The following NR6A1 variants were observed in gnomAD, a reference collection of about 807,000 sequenced individuals.
NR6A1 encodes nuclear receptor subfamily 6 group A member 1.
In NR6A1, 7 loss-of-function variants were observed where a neutral mutation model predicts 59.1. That is an observed-to-expected ratio of 0.12 (90% confidence interval 0.07 to 0.22). The LOEUF is 0.22. NR6A1 is among the 10% of genes least tolerant of loss of function. The pLI is 1.00. For synonymous variants in NR6A1, 243 were observed against 236.1 expected, an observed-to-expected ratio of 1.03 and a Z score of -0.27; for missense variants, 468 against 611.6, an observed-to-expected ratio of 0.77 and a Z score of 2.48.
intron 7 of NR6A1, among the ~76,000 whole-genome samples, chr9:124,529,704 C>T (rs986531525): frequency 6.6e-6 from 1 of 152,174 alleles, no homozygotes; most frequent in Non-Finnish European, 1.5e-5. Context: ...CAACTCAGAG[C>T]AGGGCCCAAC....
chr9:124,666,463 G>T (rs12336215), intron 2 of NR6A1, among the ~76,000 whole-genome samples: 1 of 151,932 alleles, frequency 6.6e-6, no homozygotes, highest in Non-Finnish European at 1.5e-5. Context: ...ATTTTTTGTA[G>T]AAACAGGGTT....
chr9:124,681,561 T>C (rs543434091), intron 2 of NR6A1, among the ~76,000 whole-genome samples: 1 of 152,130 alleles, frequency 6.6e-6, no homozygotes, highest in East Asian at 1.9e-4. Context: ...AGGCTGGTCT[T>C]GAACTACTGA....
intron 2 of NR6A1, among the ~76,000 whole-genome samples, chr9:124,668,417 T>A (rs940212639): frequency 6.6e-6 from 1 of 152,186 alleles, no homozygotes; most frequent in African/African-American, 2.4e-5. Flanking sequence ...TAAGTGGACC[T>A]GCGTGATTCA....
Position 124,693,562 on chromosome 9 carries a change from G to A in NR6A1, c.142+39746C>T, listed in dbSNP as rs138488804. ...ATAACCTCCCAGCTCCAATGTCAAT[G>A]TTATGGACACCTGTGTGGGCCCTCA... On this transcript the variant is annotated intron_variant, in intron 2 of 9. Transcript: ENST00000487099. 1.8e-3 allele frequency: 662 copies of A among 368,728 alleles called. 2 individuals are homozygous for A. Among genetic ancestry groups the A allele is most frequent in the African/African-American group, 0.013 (626 of 46,924 alleles). The allele number at this position is 368,728 out of a possible 1,614,324, so 22.8% of individuals were successfully genotyped here.
intron 2 of NR6A1, chr9:124,598,674 G>T: frequency 1.5e-5 from 5 of 336,318 alleles, no homozygotes; most frequent in Non-Finnish European, 2.1e-5. Flanking sequence ...AAAAAACAAG[G>T]AAGGGAAAGA....
chr9:124,619,241 C>T (rs1172903371), intron 2 of NR6A1, among the ~76,000 whole-genome samples: 1 of 152,062 alleles, frequency 6.6e-6, no homozygotes, highest in Non-Finnish European at 1.5e-5. Context: ...ACAAGCTACA[C>T]AATTAAGTAT....
intron 2 of NR6A1, among the ~76,000 whole-genome samples, chr9:124,729,285 C>T (rs1412807019): frequency 6.6e-6 from 1 of 152,020 alleles, no homozygotes; most frequent in Non-Finnish European, 1.5e-5. Flanking sequence ...GCTATGAGAA[C>T]TTTTCTGGTA....
chr9:124,629,544 C>T (rs1836361203), intron 2 of NR6A1, among the ~76,000 whole-genome samples: 2 of 152,162 alleles, frequency 1.3e-5, no homozygotes, highest in South Asian at 4.1e-4. Flanking sequence ...ATCAAATATC[C>T]AAGTGGGCAG....
chr9:124,614,615 T>C (rs922244706), intron 2 of NR6A1, among the ~76,000 whole-genome samples: 10 of 152,228 alleles, frequency 6.6e-5, no homozygotes, highest in South Asian at 6.2e-4. Context: ...GTTGAGAGAA[T>C]AGATCCTAAA....
chr9:124,640,877 G>T (rs1407594600), intron 2 of NR6A1, among the ~76,000 whole-genome samples: 1 of 152,066 alleles, frequency 6.6e-6, no homozygotes, highest in African/African-American at 2.4e-5. Flanking sequence ...TTCTATAAAT[G>T]GGCTTGATTA....
chr9:124,603,346 T>C (rs1206176454), intron 2 of NR6A1, among the ~76,000 whole-genome samples: 1 of 152,108 alleles, frequency 6.6e-6, no homozygotes, highest in Non-Finnish European at 1.5e-5. Context: ...TAATAGTGCA[T>C]TCATATTCTT....
intron 2 of NR6A1, among the ~76,000 whole-genome samples, chr9:124,608,989 T>G (rs1279271798): frequency 1.3e-5 from 2 of 152,086 alleles, no homozygotes; most frequent in African/African-American, 4.8e-5. Flanking sequence ...TTTTAATGTG[T>G]TTTTTTCCTT....
intron 3 of NR6A1, among the ~76,000 whole-genome samples, chr9:124,544,590 T>C (rs2131365482): frequency 6.6e-6 from 1 of 152,302 alleles, no homozygotes; most frequent in East Asian, 1.9e-4. Flanking sequence ...AAGTAGGATT[T>C]AGGCAGCCAG....
At chr9:124,605,635 A>T (rs1378731379) in intron 2 of NR6A1, among the ~76,000 whole-genome samples, 2 of 152,224 alleles carry the variant, frequency 1.3e-5, no homozygotes, top group Admixed American at 1.3e-4. Flanking sequence ...ACACTTTTAA[A>T]GGATAAGGAT....
chr9:124,698,246 T>C (rs1243298718), intron 2 of NR6A1: 1 of 152,182 alleles, frequency 6.6e-6, no homozygotes. Context: ...TCTCTTCAGA[T>C]CATATAAATC....
At chr9:124,644,255 T>C (rs931013374) in intron 2 of NR6A1, among the ~76,000 whole-genome samples, 2 of 145,280 alleles carry the variant, frequency 1.4e-5, no homozygotes, top group Non-Finnish European at 3.0e-5. Flanking sequence ...ACTGATCCTC[T>C]TGAAGATTAA....
At chr9:124,660,648 CA>C (rs753242760) in intron 2 of NR6A1, among the ~76,000 whole-genome samples, 1,405 of 92,794 alleles carry the variant, frequency 0.015, 13 homozygotes, top group Non-Finnish European at 0.021. Context: ...TCTGAGAATA[CA>C]AAAAAAAAAA....
intron 2 of NR6A1, among the ~76,000 whole-genome samples, chr9:124,634,373 AT>A (rs1257995482): frequency 6.6e-6 from 1 of 152,204 alleles, no homozygotes; most frequent in Non-Finnish European, 1.5e-5. Context: ...AACATGTGTG[AT>A]CTTGCAATTT....
At chr9:124,600,293 G>C (rs1035695814) in intron 2 of NR6A1, among the ~76,000 whole-genome samples, 3 of 152,040 alleles carry the variant, frequency 2.0e-5, no homozygotes, top group Non-Finnish European at 4.4e-5. Context: ...AACTAAATAG[G>C]AATAATGAAA....
Sources: allele counts gnomAD v4.1 joint callset (sites outside exome capture counted in the v4.1 genomes callset), GRCh38; gene constraint gnomAD v4.1.1; transcripts MANE v1.5; gene names NCBI Gene and HGNC (gene_info 2026-07-23, HGNC 2026-07-21).